The following SMAD7 variants were observed in gnomAD, a reference collection of about 807,000 sequenced individuals.
SMAD7 encodes the protein SMAD family member 7, also known as MAD (mothers against decapentaplegic, Drosophila) homolog 7.
A neutral mutation model predicts 38.7 loss-of-function variants in SMAD7; 8 were observed. The observed-to-expected ratio is 0.21, with a 90% confidence interval of 0.12 to 0.37. SMAD7 has a LOEUF of 0.37. SMAD7 is among the 10% of genes least tolerant of loss of function. The pLI is 1.00. For synonymous variants in SMAD7, 327 were observed against 265.1 expected (o/e 1.23, Z -2.27); for missense variants, 477 against 577.9 (o/e 0.83, Z 1.79).
At chr18:48,937,428 G>A (rs1279344833) in intron 3 of SMAD7, among the ~76,000 whole-genome samples, 2 of 152,166 alleles carry the variant, frequency 1.3e-5, no homozygotes, top group Non-Finnish European at 2.9e-5. Flanking sequence ...GGATGCGTGA[G>A]GCGGCAGCAG....
chr18:48,937,527 T>G (rs1168189510), intron 3 of SMAD7, among the ~76,000 whole-genome samples: 1 of 152,158 alleles, frequency 6.6e-6, no homozygotes, highest in Non-Finnish European at 1.5e-5. Flanking sequence ...CCGGACTGCC[T>G]CATTCTTTCC....
chr18:48,941,729 C>T (rs561687656), intron 3 of SMAD7, among the ~76,000 whole-genome samples: 16 of 152,298 alleles, frequency 1.1e-4, no homozygotes, highest in Admixed American at 5.2e-4. Context: ...ACATGAAATG[C>T]GTCCCATGTA....
At chr18:48,946,855 T>C (rs1187787630) in intron 2 of SMAD7, among the ~76,000 whole-genome samples, 4 of 152,228 alleles carry the variant, frequency 2.6e-5, no homozygotes, top group Non-Finnish European at 5.9e-5. Flanking sequence ...CAAGGGAACA[T>C]GGCCTTTCTT....
At position 48,921,540 on chromosome 18, in the gene SMAD7, G is replaced by A. The variant is rs138059462; in HGVS notation, c.1113C>T (p.Tyr371=). ...GCCGCTGCAGGCTGTACGCCTTCTC[G>A]TAGTCGAAAGCCTTGATGGAGAAAC... ...FPGFSIKAFD[Y]EKAYSLQRPN... is the part of the protein sequence containing the mutation. The change falls in exon 4 of 4, where the codon TAC becomes TAT. Residue 371 remains tyrosine, a synonymous_variant. Coordinates refer to ENST00000262158, the MANE Select transcript of SMAD7 (RefSeq NM_005904.4). The surrounding 1 kb of genome is among the most constrained non-coding windows in gnomAD (Gnocchi z 6.4). 1.2e-5 allele frequency: 20 copies of A among 1,614,206 alleles called. No homozygotes were observed. Among genetic ancestry groups the A allele is most frequent in the Admixed American group, 8.3e-5 (5 of 60,028 alleles).
rs1230311696 is a variant in SMAD7 at position 48,950,555 on chromosome 18, G to C, written c.-131C>G. 5.9e-6 allele frequency: 5 copies of C among 842,752 alleles called. No homozygotes were observed. The African/African-American group carries it at 9.0e-5, about 15-fold the overall frequency. The allele number at this position is 842,752 out of a possible 1,614,324, so 52.2% of individuals were successfully genotyped here. On this transcript the variant is annotated 5_prime_UTR_variant, in exon 1 of 4. Transcript: ENST00000262158. ...GCGACAGCAGCAGCAGCAGGGGCCC[G>C]GGCAGGAGCGGCGGCGGCCCGAGGG... is the stretch of plus-strand genomic sequence containing the variant.
intron 3 of SMAD7, 90 bp downstream of exon 3, chr18:48,942,391 G>A (rs2070150702): frequency 1.2e-6 from 1 of 806,990 alleles, no homozygotes; most frequent in African/African-American, 1.7e-5. Context: ...CAGACCAGCT[G>A]GGGTGGCAGA....
Position 48,950,285 on chromosome 18 carries a change from G to A in SMAD7, c.140C>T (p.Ala47Val). 1.3e-6 allele frequency: 2 copies of A among 1,528,444 alleles called. No individual in the cohort carries two copies. Among genetic ancestry groups the A allele is most frequent in the Non-Finnish European group, 8.8e-7 (1 of 1,139,540 alleles). 94.7% of individuals were successfully genotyped at this position (1,528,444 alleles called of 1,614,324 possible). A position where few individuals can be genotyped will look rare whatever the true frequency, so the allele number is the denominator to read the frequency against. ...LRGEGATDSR[A>V]HGAGGGGPGR... ...CGGGCCGCCGCCACCGGCCCCATGC[G>A]CTCGGCTGTCCGTCGCCCCTTCTCC... The change falls in exon 1 of 4, where the codon GCG becomes GTG. Residue 47 changes from alanine (A) to valine (V), a missense_variant. Ala to Val is a moderately conservative substitution (Grantham distance 64). Coordinates refer to ENST00000262158, the MANE Select transcript of SMAD7 (RefSeq NM_005904.4).
At chr18:48,944,413 CA>C (rs945720160) in intron 2 of SMAD7, among the ~76,000 whole-genome samples, 2 of 152,242 alleles carry the variant, frequency 1.3e-5, no homozygotes, top group African/African-American at 4.8e-5. Context: ...CAGGCAACCA[CA>C]AGCATTTTTG....
intron 3 of SMAD7, among the ~76,000 whole-genome samples, chr18:48,940,477 G>A (rs1172663442): frequency 2.0e-5 from 3 of 152,174 alleles, no homozygotes; most frequent in Non-Finnish European, 2.9e-5. Flanking sequence ...TCGGCCAGGC[G>A]CAGTGGCTCA....
intron 3 of SMAD7, among the ~76,000 whole-genome samples, chr18:48,941,336 G>T (rs2070137082): frequency 1.3e-5 from 2 of 152,130 alleles, no homozygotes; most frequent in Non-Finnish European, 2.9e-5. Context: ...AGTATATATT[G>T]CATTGAAATG....
chr18:48,945,152 A>T (rs1223003075), intron 2 of SMAD7, among the ~76,000 whole-genome samples: 1 of 152,178 alleles, frequency 6.6e-6, no homozygotes, highest in Admixed American at 6.5e-5. Flanking sequence ...AACTCAAATG[A>T]ACCCTGGTTA....
At chr18:48,944,964 G>T (rs2070180092) in intron 2 of SMAD7, among the ~76,000 whole-genome samples, 1 of 148,098 alleles carries the variant, frequency 6.8e-6, no homozygotes, top group Non-Finnish European at 1.5e-5. Flanking sequence ...CCAACCCTGG[G>T]GAGCAGCCAA....
chr18:48,933,950 G>C (rs1271214274), intron 3 of SMAD7, among the ~76,000 whole-genome samples: 1 of 152,218 alleles, frequency 6.6e-6, no homozygotes, highest in Non-Finnish European at 1.5e-5. Flanking sequence ...AGTGGAGAGC[G>C]GGCCAGCCAC....
rs933889518 is a variant in SMAD7 at position 48,949,728 on chromosome 18, G to A, written c.613+84C>T. On this transcript the variant is annotated intron_variant, in intron 1 of 3. Coordinates refer to ENST00000262158, the MANE Select transcript of SMAD7 (RefSeq NM_005904.4). The stretch of plus-strand genomic sequence containing the variant: ...TATGCACACTCCCCCTGGAGGGATG[G>A]CTGCACAAACGCACTGCCCTAGGGG... The A allele has an allele frequency of 2.5e-5, 36 of 1,423,900 alleles. No individual in the cohort carries two copies. The African/African-American group carries it at 4.9e-4, about 19-fold the overall frequency. The allele number at this position is 1,423,900 out of a possible 1,614,324, so 88.2% of individuals were successfully genotyped here. A position where few individuals can be genotyped will look rare whatever the true frequency, so the allele number is the denominator to read the frequency against.
intron 1 of SMAD7, chr18:48,949,321 C>A: frequency 1.0e-6 from 1 of 979,666 alleles, no homozygotes; most frequent in Non-Finnish European, 1.2e-6. Context: ...CGACGTGATT[C>A]TCCGTATTTA....
At position 48,921,398 on chromosome 18, in the gene SMAD7, G is replaced by C; in HGVS notation, c.1255C>G (p.Leu419Val). ...RQFISSCPCW[L>V]EVIFNSR ...TACCGGCTGTTGAAGATGACCTCTA[G>C]CCAGCACGGGCAGCTGCTGATGAAC... Residue 419 changes from leucine to valine, a missense_variant, in exon 4 of 4, where the codon CTA becomes GTA. Physicochemically the swap from Leu to Val is conservative, Grantham distance 32. Coordinates refer to ENST00000262158, the MANE Select transcript of SMAD7 (RefSeq NM_005904.4). This position sits in a 1 kb window ranked among gnomAD's most constrained non-coding sequence, Gnocchi z 6.4. 1 of 1,613,676 alleles carries C rather than the reference G, an allele frequency of 6.2e-7. No homozygotes were observed. Among genetic ancestry groups the C allele is most frequent in the Non-Finnish European group, 8.5e-7 (1 of 1,179,662 alleles).
chr18:48,943,186 G>A (rs886662757), intron 2 of SMAD7, among the ~76,000 whole-genome samples: 6 of 152,140 alleles, frequency 3.9e-5, no homozygotes, highest in Admixed American at 2.0e-4. Context: ...CCGAGCCGGA[G>A]GGGAAATGTT....
At chr18:48,942,444 G>A (rs1468406351) in intron 3 of SMAD7, 37 bp downstream of exon 3, 2 of 1,419,240 alleles carry the variant, frequency 1.4e-6, no homozygotes, top group African/African-American at 1.4e-5. Context: ...TTCAAAAAAG[G>A]TTGGAATTGC....
rs3082710 is a variant in SMAD7 at position 48,929,569 on chromosome 18, T to TCTCTCA, written c.743-7660_743-7659insTGAGAG. ...CTCTCTTTCTCTCTCTCTCTCTCTC[T>TCTCTCA]CACTCACACACACACACACACACAC... On this transcript the variant is annotated intron_variant, in intron 3 of 3. Coordinates refer to ENST00000262158, the MANE Select transcript of SMAD7 (RefSeq NM_005904.4). 4.4e-4 allele frequency among the ~76,000 whole-genome samples: 50 copies of TCTCTCA among 114,622 alleles called. 1 individual carries two copies. The highest frequency in any genetic ancestry group is 7.1e-4 in the Admixed American group (8 of 11,208). The allele number at this position is 114,622 out of a possible 152,430, so 75.2% of individuals were successfully genotyped here.
Sources: allele counts gnomAD v4.1 joint callset (sites outside exome capture counted in the v4.1 genomes callset), GRCh38; gene constraint gnomAD v4.1.1; non-coding constraint Gnocchi (gnomAD v3.1); transcripts MANE v1.5; gene names NCBI Gene and HGNC (gene_info 2026-07-23, HGNC 2026-07-21).